ZFAT: variants seen among roughly 807,000 people sequenced by gnomAD.
ZFAT encodes zinc finger protein ZFAT.
A neutral mutation model predicts 117.7 loss-of-function variants in ZFAT; 64 were observed. That is an observed-to-expected ratio of 0.54 (90% CI 0.44 to 0.67). The LOEUF (loss-of-function observed/expected upper bound fraction) is 0.67, where lower values mean the gene tolerates loss of function less well. ZFAT is among the 30% of genes least tolerant of loss of function. The pLI, the probability that ZFAT is intolerant of heterozygous loss-of-function variation, is 0.00. For missense variants in ZFAT, 1,433 were observed against 1,584.5 expected (o/e 0.90, Z 1.62); for synonymous variants, 679 against 615.0 (o/e 1.10, Z -1.54).
chr8:134,611,159 C>T (rs1301428065), intron 3 of ZFAT, among the ~76,000 whole-genome samples: 2 of 152,200 alleles, frequency 1.3e-5, no homozygotes, highest in Admixed American at 6.5e-5. Context: ...CACAGGCAGT[C>T]CAGGGCAGTC....
intron 14 of ZFAT, among the ~76,000 whole-genome samples, chr8:134,511,674 C>T (rs1819854034): frequency 6.6e-6 from 1 of 152,158 alleles, no homozygotes; most frequent in Non-Finnish European, 1.5e-5. Context: ...ATGTACAGGG[C>T]TGTGGTATGA....
the ZFAT span, chr8:134,804,757 ACT>A: frequency 6.7e-6 from 3 of 446,850 alleles, no homozygotes; most frequent in South Asian, 5.1e-5. Context: ...TAATACGTGC[ACT>A]GTCAGTGCAG....
chr8:134,486,563 G>C (rs897419572), intron 15 of ZFAT, among the ~76,000 whole-genome samples: 2 of 152,224 alleles, frequency 1.3e-5, no homozygotes, highest in South Asian at 4.2e-4. Context: ...TGTGGCTCAG[G>C]AAATGAACAG....
chr8:134,485,435 G>A (rs947790207), intron 15 of ZFAT, among the ~76,000 whole-genome samples: 1 of 152,206 alleles, frequency 6.6e-6, no homozygotes, highest in African/African-American at 2.4e-5. Flanking sequence ...GGACTCCTCT[G>A]TCAAAGTACC....
At chr8:134,684,533 G>GCCAGCTC (rs1833226432) in intron 1 of ZFAT, among the ~76,000 whole-genome samples, 1 of 152,054 alleles carries the variant, frequency 6.6e-6, no homozygotes. Flanking sequence ...ATAGGGACAC[G>GCCAGCTC]CCAGCTCTAG....
At chr8:134,537,044 A>G (rs1195041318) in intron 11 of ZFAT, among the ~76,000 whole-genome samples, 1 of 152,260 alleles carries the variant, frequency 6.6e-6, no homozygotes, top group East Asian at 1.9e-4. Flanking sequence ...TCTTAACCAA[A>G]GTAATGAGAT....
the ZFAT span, among the ~76,000 whole-genome samples, chr8:134,787,928 A>T: frequency 3.7e-4 from 56 of 152,134 alleles, no homozygotes; most frequent in Non-Finnish European, 6.9e-4. Context: ...TATAGTTTGT[A>T]TTCAGTGACC....
chr8:134,544,517 A>AG (rs1017239778), intron 11 of ZFAT, among the ~76,000 whole-genome samples: 4 of 152,168 alleles, frequency 2.6e-5, no homozygotes, highest in African/African-American at 9.6e-5. Flanking sequence ...AAGCCAAATA[A>AG]GGAGAAACTG....
chr8:134,716,174 C>T (rs1305985458), upstream of ZFAT, among the ~76,000 whole-genome samples: 1 of 134,490 alleles, frequency 7.4e-6, no homozygotes, highest in Non-Finnish European at 1.7e-5. Flanking sequence ...TATATGCACA[C>T]ACACACACAT....
chr8:134,710,820 T>C (rs1225882344), intron 1 of ZFAT, among the ~76,000 whole-genome samples: 2 of 152,212 alleles, frequency 1.3e-5, no homozygotes, highest in Non-Finnish European at 2.9e-5. Context: ...GCCACACATA[T>C]GGGCAATCTG....
chr8:134,572,615 G>A (rs1021887311), intron 10 of ZFAT, among the ~76,000 whole-genome samples: 18 of 152,186 alleles, frequency 1.2e-4, no homozygotes, highest in East Asian at 9.6e-4. Flanking sequence ...CTAATTGTGC[G>A]AATAATCTCA....
chr8:134,509,293 A>G (rs1174963707), intron 15 of ZFAT, among the ~76,000 whole-genome samples: 1 of 152,186 alleles, frequency 6.6e-6, no homozygotes, highest in African/African-American at 2.4e-5. Context: ...TTAGGCACTG[A>G]GAGCTGTTTT....
At chr8:134,728,942 G>A in the ZFAT span, among the ~76,000 whole-genome samples, 4 of 151,768 alleles carry the variant, frequency 2.6e-5, no homozygotes, top group Admixed American at 6.6e-5. Context: ...AATGGAAAGT[G>A]AAAGAAAATA....
At chr8:134,745,401 C>T in the ZFAT span, among the ~76,000 whole-genome samples, 1 of 152,132 alleles carries the variant, frequency 6.6e-6, no homozygotes, top group Admixed American at 6.5e-5. Flanking sequence ...TGCTTGGTTT[C>T]GAATGCAGAA....
At chr8:134,824,969 T>C in the ZFAT span, among the ~76,000 whole-genome samples, 19,374 of 152,224 alleles carry the variant, frequency 0.13, 1,291 homozygotes, top group African/African-American at 0.15. Context: ...TTTTCCAAGA[T>C]TGGTAAACTT....
At chr8:134,627,895 T>C (rs544376663) in intron 3 of ZFAT, among the ~76,000 whole-genome samples, 13 of 152,266 alleles carry the variant, frequency 8.5e-5, no homozygotes, top group South Asian at 8.3e-4. Flanking sequence ...GAGAGATGTG[T>C]CCCTATTCTG....
At chr8:134,581,235 CAG>C (rs1825689378) in intron 10 of ZFAT, among the ~76,000 whole-genome samples, 4 of 151,786 alleles carry the variant, frequency 2.6e-5, no homozygotes. Flanking sequence ...GTCTATGACT[CAG>C]CACCCTGTTT....
At chr8:134,720,397 T>C in the ZFAT span, among the ~76,000 whole-genome samples, 1 of 152,180 alleles carries the variant, frequency 6.6e-6, no homozygotes, top group African/African-American at 2.4e-5. Flanking sequence ...ATGAGTCCAT[T>C]TGGGGGAAGG....
intron 10 of ZFAT, among the ~76,000 whole-genome samples, chr8:134,578,523 G>A (rs1363347581): frequency 6.6e-6 from 1 of 152,062 alleles, no homozygotes; most frequent in Admixed American, 6.6e-5. Context: ...GTCATGGTGA[G>A]GAATTGGGCT....
Sources: allele counts gnomAD v4.1 joint callset (sites outside exome capture counted in the v4.1 genomes callset), GRCh38; gene constraint gnomAD v4.1.1; transcripts MANE v1.5; gene names NCBI Gene and HGNC (gene_info 2026-07-23, HGNC 2026-07-21).